Variants in MICU2 observed in about 807,000 individuals in gnomAD.
The protein encoded by MICU2 is mitochondrial calcium uptake 2.
A neutral mutation model predicts 60.4 loss-of-function variants in MICU2; 64 were observed. The observed-to-expected ratio is 1.06, with a 90% CI of 0.87 to 1.31. The LOEUF (loss-of-function observed/expected upper bound fraction) is 1.31. MICU2 is among the 50% of genes most tolerant of loss of function. The pLI is 0.00. For synonymous variants in MICU2, 201 were observed against 175.0 expected, an observed-to-expected ratio of 1.15 and a Z score of -1.17; for missense variants, 569 against 531.0, an observed-to-expected ratio of 1.07 and a Z score of -0.70.
At chr13:21,529,110 C>A (rs1886925799) in intron 4 of MICU2, among the ~76,000 whole-genome samples, 1 of 152,114 alleles carries the variant, frequency 6.6e-6, no homozygotes, top group Non-Finnish European at 1.5e-5. Flanking sequence ...GTTACTTGAT[C>A]TGTTTCCTAT....
chr13:21,603,208 G>C (rs139681406), intron 1 of MICU2, among the ~76,000 whole-genome samples: 2,216 of 152,274 alleles, frequency 0.015, 49 homozygotes, highest in African/African-American at 0.05. Context: ...CTGACCTCAG[G>C]AGATCCACCC....
chr13:21,495,088 A>G, intron 11 of MICU2, 73 bp downstream of exon 11: 1 of 1,245,006 alleles, frequency 8.0e-7, no homozygotes, highest in Non-Finnish European at 1.1e-6. Context: ...AAGACTGTAC[A>G]ATTGCCCAAA....
chr13:21,585,537 T>C (rs1888437122), intron 1 of MICU2, among the ~76,000 whole-genome samples: 1 of 152,212 alleles, frequency 6.6e-6, no homozygotes, highest in South Asian at 2.1e-4. Flanking sequence ...ATATATATTT[T>C]TTCTTTTTCA....
At chr13:21,545,478 C>T (rs976365011) in intron 2 of MICU2, among the ~76,000 whole-genome samples, 4 of 152,062 alleles carry the variant, frequency 2.6e-5, no homozygotes, top group African/African-American at 7.2e-5. Flanking sequence ...GTTAGGAGTT[C>T]GAGACCAGCC....
At chr13:21,602,969 CTTT>C (rs11291826) in intron 1 of MICU2, among the ~76,000 whole-genome samples, 80 of 134,570 alleles carry the variant, frequency 5.9e-4, no homozygotes, top group East Asian at 5.7e-3. Flanking sequence ...GAACTTGAAT[CTTT>C]TTTTTTTTTT....
chr13:21,559,770 C>G (rs1887795763), intron 2 of MICU2, among the ~76,000 whole-genome samples: 3 of 152,160 alleles, frequency 2.0e-5, no homozygotes, highest in Admixed American at 2.0e-4. Context: ...GGTGATCCAC[C>G]TGCCTTGGCC....
Position 21,557,982 on chromosome 13 carries a change from C to T in MICU2, c.358+8815G>A, listed in dbSNP as rs770865913. Among the ~76,000 whole-genome samples, 231 of 152,210 alleles carry T rather than the reference C, an allele frequency of 1.5e-3. 2 individuals are homozygous for T. Among genetic ancestry groups the T allele is most frequent in the Non-Finnish European group, 2.1e-3 (146 of 68,000 alleles). On this transcript the variant is annotated intron_variant, in intron 2 of 11. Coordinates refer to ENST00000382374, the MANE Select transcript of MICU2 (RefSeq NM_152726.3). ...TTGCAATCACAAGCAGTTTCTGTTA[C>T]CTGCTTTTGTCCAGTAGAGTCATAT...
At chr13:21,589,961 T>C (rs1593358868) in intron 1 of MICU2, among the ~76,000 whole-genome samples, 2 of 152,234 alleles carry the variant, frequency 1.3e-5, no homozygotes, top group Admixed American at 6.5e-5. Flanking sequence ...CACCCTTCTA[T>C]AGAAGTACCT....
At chr13:21,530,313 C>T (rs1360109430) in intron 4 of MICU2, among the ~76,000 whole-genome samples, 2 of 152,100 alleles carry the variant, frequency 1.3e-5, no homozygotes, top group African/African-American at 2.4e-5. Flanking sequence ...AGCCTCCTTC[C>T]CTCACCCCTT....
chr13:21,550,799 G>A (rs900930731), intron 2 of MICU2, among the ~76,000 whole-genome samples: 3 of 152,220 alleles, frequency 2.0e-5, no homozygotes, highest in South Asian at 2.1e-4. Context: ...ACGCTTTGAC[G>A]TAGGTACTAT....
chr13:21,583,690 G>A (rs949658731), intron 1 of MICU2, among the ~76,000 whole-genome samples: 5 of 152,146 alleles, frequency 3.3e-5, no homozygotes, highest in African/African-American at 7.2e-5. Context: ...TACCATCACC[G>A]AAAGAGCAGT....
chr13:21,595,758 C>CCAAGAGG (rs1888679023), intron 1 of MICU2, among the ~76,000 whole-genome samples: 1 of 152,234 alleles, frequency 6.6e-6, no homozygotes, highest in East Asian at 1.9e-4. Flanking sequence ...GCTTTATATT[C>CCAAGAGG]TTGTGATAGG....
chr13:21,500,267 C>T (rs1028809587), intron 9 of MICU2, among the ~76,000 whole-genome samples: 1 of 152,124 alleles, frequency 6.6e-6, no homozygotes, highest in Non-Finnish European at 1.5e-5. Context: ...GTATCTTCTG[C>T]AAGCATCCAT....
chr13:21,591,576 T>C (rs1243835759), intron 1 of MICU2, among the ~76,000 whole-genome samples: 1 of 144,304 alleles, frequency 6.9e-6, no homozygotes, highest in Non-Finnish European at 1.5e-5. Flanking sequence ...GAATATACAT[T>C]CTTCTTAGAG....
At chr13:21,513,355 TA>T (rs1231585556) in intron 7 of MICU2, among the ~76,000 whole-genome samples, 1 of 152,146 alleles carries the variant, frequency 6.6e-6, no homozygotes, top group Non-Finnish European at 1.5e-5. Flanking sequence ...CTTTCATCAA[TA>T]AGTATGTTAG....
At chr13:21,522,970 A>G (rs1350461904) in intron 4 of MICU2, among the ~76,000 whole-genome samples, 1 of 152,234 alleles carries the variant, frequency 6.6e-6, no homozygotes, top group African/African-American at 2.4e-5. Flanking sequence ...TAGCATTTAC[A>G]TTGGTAGACT....
intron 1 of MICU2, among the ~76,000 whole-genome samples, chr13:21,585,823 CTT>C (rs1888443921): frequency 6.6e-6 from 1 of 152,026 alleles, no homozygotes; most frequent in African/African-American, 2.4e-5. Flanking sequence ...GTAATCATCT[CTT>C]TTAGTCAGAT....
chr13:21,588,721 G>A (rs1888510060), intron 1 of MICU2, among the ~76,000 whole-genome samples: 1 of 152,162 alleles, frequency 6.6e-6, no homozygotes, highest in South Asian at 2.1e-4. Context: ...AGTCCAGTTG[G>A]CTATCCCTTT....
intron 1 of MICU2, among the ~76,000 whole-genome samples, chr13:21,575,310 C>T (rs140701492): frequency 3.8e-3 from 583 of 151,786 alleles, no homozygotes; most frequent in African/African-American, 0.013. Context: ...AATAACTGAA[C>T]GGAATACTCA....
Sources: allele counts gnomAD v4.1 joint callset (sites outside exome capture counted in the v4.1 genomes callset), GRCh38; gene constraint gnomAD v4.1.1; transcripts MANE v1.5; gene names NCBI Gene and HGNC (gene_info 2026-07-23, HGNC 2026-07-21).